DRC11: variants seen among roughly 807,000 people sequenced by gnomAD.
DRC11 encodes dynein regulatory complex subunit 11.
the DRC11 span, among the ~76,000 whole-genome samples, chr2:236,488,586 A>T: frequency 6.6e-6 from 1 of 152,230 alleles, no homozygotes. Flanking sequence ...CTCTAATATG[A>T]GCTTTTAAAA....
the DRC11 span, among the ~76,000 whole-genome samples, chr2:236,477,680 T>C: frequency 3.3e-5 from 5 of 152,324 alleles, no homozygotes; most frequent in Non-Finnish European, 2.9e-5. Flanking sequence ...TTTTCTTTGA[T>C]GGGAGGCTTT....
chr2:236,365,921 C>T, the DRC11 span, among the ~76,000 whole-genome samples: 2 of 152,118 alleles, frequency 1.3e-5, no homozygotes, highest in Non-Finnish European at 2.9e-5. This position sits in a 1 kb window ranked among gnomAD's most constrained non-coding sequence, Gnocchi z 7.4. Flanking sequence ...TTCAACTTTC[C>T]GAGAATTAAG....
the DRC11 span, among the ~76,000 whole-genome samples, chr2:236,424,432 G>C: frequency 6.6e-6 from 1 of 152,058 alleles, no homozygotes; most frequent in Non-Finnish European, 1.5e-5. Flanking sequence ...CAAAAGTTAT[G>C]AAAGAGTAAT....
the DRC11 span, among the ~76,000 whole-genome samples, chr2:236,495,398 G>A: frequency 6.6e-6 from 1 of 152,190 alleles, no homozygotes; most frequent in African/African-American, 2.4e-5. This position sits in a 1 kb window ranked among gnomAD's most constrained non-coding sequence, Gnocchi z 5.6. Context: ...ACTGAGAATG[G>A]AAGAGAAGCA....
At chr2:236,421,689 A>G in the DRC11 span, among the ~76,000 whole-genome samples, 1 of 152,264 alleles carries the variant, frequency 6.6e-6, no homozygotes, top group African/African-American at 2.4e-5. Flanking sequence ...AAAAAGAGGG[A>G]ATCCTCCCTA....
chr2:236,491,153 C>CACAGTATATATATATATATATAT, the DRC11 span, among the ~76,000 whole-genome samples: 50 of 52,026 alleles, frequency 9.6e-4, 4 homozygotes, highest in East Asian at 5.3e-3. Flanking sequence ...TATATATATA[C>CACAGTATATATATATATATATAT]ACACAGTATA....
the DRC11 span, chr2:236,367,884 T>A: frequency 6.7e-5 from 25 of 372,536 alleles, no homozygotes; most frequent in Non-Finnish European, 1.2e-4. The surrounding 1 kb of genome is among the most constrained non-coding windows in gnomAD (Gnocchi z 4.8). Flanking sequence ...CCCTAGCCCG[T>A]TCTCTAATTT....
At chr2:236,497,542 A>G in the DRC11 span, 1 of 1,332,162 alleles carries the variant, frequency 7.5e-7, no homozygotes, top group East Asian at 2.4e-5. The surrounding 1 kb of genome is among the most constrained non-coding windows in gnomAD (Gnocchi z 5.1). Flanking sequence ...ACTTGGTAAA[A>G]CATAAACATC....
chr2:236,407,585 T>C, the DRC11 span, among the ~76,000 whole-genome samples: 2 of 152,024 alleles, frequency 1.3e-5, no homozygotes, highest in African/African-American at 2.4e-5. Context: ...TATCTATATA[T>C]ACACACACAC....
At chr2:236,308,477 G>A in the DRC11 span, among the ~76,000 whole-genome samples, 1 of 152,238 alleles carries the variant, frequency 6.6e-6, no homozygotes, top group Non-Finnish European at 1.5e-5. The surrounding 1 kb of genome is among the most constrained non-coding windows in gnomAD (Gnocchi z 6.0). Context: ...TCTCTGTGTG[G>A]GGATACTCGT....
the DRC11 span, among the ~76,000 whole-genome samples, chr2:236,343,227 C>G: frequency 2.0e-5 from 3 of 152,118 alleles, no homozygotes; most frequent in Non-Finnish European, 4.4e-5. The surrounding 1 kb of genome is among the most constrained non-coding windows in gnomAD (Gnocchi z 6.6). Context: ...CTCTCAGAGG[C>G]CCCCTCTCAG....
At chr2:236,372,444 A>C in the DRC11 span, among the ~76,000 whole-genome samples, 1 of 152,176 alleles carries the variant, frequency 6.6e-6, no homozygotes, top group Non-Finnish European at 1.5e-5. The surrounding 1 kb of genome is among the most constrained non-coding windows in gnomAD (Gnocchi z 4.5). Context: ...TAACTCCAAG[A>C]ACAGTTTTTG....
At chr2:236,340,437 G>A in the DRC11 span, among the ~76,000 whole-genome samples, 1 of 152,224 alleles carries the variant, frequency 6.6e-6, no homozygotes, top group African/African-American at 2.4e-5. Flanking sequence ...AGAACTTTGT[G>A]AGAACAATTT....
At chr2:236,459,546 C>T in the DRC11 span, among the ~76,000 whole-genome samples, 230 of 118,066 alleles carry the variant, frequency 1.9e-3, 1 homozygote, top group African/African-American at 6.9e-3. Context: ...TATACGTATA[C>T]GTATACATGT....
At chr2:236,504,692 G>A in the DRC11 span, among the ~76,000 whole-genome samples, 1 of 152,164 alleles carries the variant, frequency 6.6e-6, no homozygotes, top group African/African-American at 2.4e-5. This position sits in a 1 kb window ranked among gnomAD's most constrained non-coding sequence, Gnocchi z 5.0. Flanking sequence ...TAATCCCCAC[G>A]TGTTGTAAGA....
chr2:236,343,439 G>A, the DRC11 span, among the ~76,000 whole-genome samples: 41 of 152,344 alleles, frequency 2.7e-4, 1 homozygote, highest in Middle Eastern at 3.4e-3. This position sits in a 1 kb window ranked among gnomAD's most constrained non-coding sequence, Gnocchi z 6.6. Context: ...AGGAAGCGGA[G>A]GCTCAGAGAG....
chr2:236,373,477 C>T, the DRC11 span, among the ~76,000 whole-genome samples: 278 of 152,228 alleles, frequency 1.8e-3, 2 homozygotes, highest in African/African-American at 6.1e-3. Context: ...TCTGGAACTC[C>T]TGACCTCCAA....
the DRC11 span, among the ~76,000 whole-genome samples, chr2:236,400,106 T>C: frequency 1.3e-5 from 2 of 152,226 alleles, no homozygotes; most frequent in African/African-American, 2.4e-5. This position sits in a 1 kb window ranked among gnomAD's most constrained non-coding sequence, Gnocchi z 7.9. Flanking sequence ...TCCACGTTGC[T>C]GTAACCAGCC....
chr2:236,480,906 T>C, the DRC11 span, among the ~76,000 whole-genome samples: 1 of 152,378 alleles, frequency 6.6e-6, no homozygotes, highest in Middle Eastern at 3.4e-3. Flanking sequence ...ACCTGTTGAA[T>C]TTCCTTTATT....
Sources: gnomAD v4.1 joint callset for allele counts (sites outside exome capture counted in the v4.1 genomes callset) on GRCh38, gnomAD v4.1.1 for gene constraint, Gnocchi (gnomAD v3.1) non-coding constraint, MANE v1.5 for transcripts, NCBI Gene and HGNC (gene_info 2026-07-23, HGNC 2026-07-21) for gene names.